The following RABL6 variants were observed in gnomAD, a reference collection of about 807,000 sequenced individuals.
RABL6 encodes the protein rab-like protein 6.
Under a neutral mutation model 72.9 loss-of-function variants are expected in RABL6, and 28 were observed. The ratio of observed to expected loss-of-function variants is 0.38; its 90% CI spans 0.28 to 0.53. RABL6 has a LOEUF of 0.53. Ranked by LOEUF, RABL6 falls within the 20% of genes least tolerant of loss-of-function variation. The pLI is 0.80. For synonymous variants in RABL6, 477 were observed against 421.2 expected (o/e 1.13, Z -1.62); for missense variants, 1,029 against 1,008.4 (o/e 1.02, Z -0.28).
chr9:136,828,186 C>G (rs1848397746), intron 3 of RABL6: 1 of 301,272 alleles, frequency 3.3e-6, no homozygotes, highest in Admixed American at 4.6e-5. Flanking sequence ...CCTTCAGCAG[C>G]AAACCCTCCT....
chr9:136,822,142 G>A (rs796314297), intron 1 of RABL6: 2 of 1,222,714 alleles, frequency 1.6e-6, no homozygotes, highest in African/African-American at 1.6e-5. Context: ...TCAGAGCTTC[G>A]AGGCCGGGCG....
At chr9:136,818,271 G>C (rs1386031251) in intron 1 of RABL6, among the ~76,000 whole-genome samples, 2 of 144,006 alleles carry the variant, frequency 1.4e-5, no homozygotes, top group African/African-American at 5.2e-5. Context: ...GCTGAGGCAG[G>C]AGAATGGCGT....
intron 4 of RABL6, 112 bp downstream of exon 4, chr9:136,828,658 C>T (rs1246170272): frequency 8.6e-7 from 1 of 1,161,392 alleles, no homozygotes; most frequent in African/African-American, 1.5e-5. Context: ...ATGCTGTGGC[C>T]ACGGGGGCCG....
chr9:136,809,098 C>T (rs1187891027), intron 1 of RABL6: 2 of 152,318 alleles, frequency 1.3e-5, no homozygotes, highest in African/African-American at 2.4e-5. Flanking sequence ...TTTGACATTG[C>T]TTCCCTCTTA....
At chr9:136,820,322 G>GC (rs1254241609) in intron 1 of RABL6, among the ~76,000 whole-genome samples, 1 of 152,126 alleles carries the variant, frequency 6.6e-6, no homozygotes, top group Non-Finnish European at 1.5e-5. Flanking sequence ...CTAGGATGGT[G>GC]CCACTGTGCT....
At chr9:136,823,685 G>T in intron 2 of RABL6, 26 bp downstream of exon 2, 1 of 1,583,440 alleles carries the variant, frequency 6.3e-7, no homozygotes, top group Non-Finnish European at 8.6e-7. Flanking sequence ...GCCCCAGTGG[G>T]TTCGGGCTCC....
chr9:136,841,021 G>A lies in RABL6; in HGVS notation c.*499G>A. The A allele has an allele frequency of 7.0e-7, 1 of 1,434,328 alleles. No individual in the cohort carries two copies. The allele number at this position is 1,434,328 out of a possible 1,614,324, so 88.9% of individuals were successfully genotyped here. A position where few individuals can be genotyped will look rare whatever the true frequency, so the allele number is the denominator to read the frequency against. ...GGCGGCCCAGGCCCCACGCTAGAAG[G>A]CTGGCGAGACCGAAGGCAGCATGTG... On this transcript the variant is annotated 3_prime_UTR_variant, in exon 15 of 15. Transcript: ENST00000311502.
chr9:136,837,739 C>T (rs1381980410), intron 9 of RABL6, 77 bp downstream of exon 9: 126 of 1,542,842 alleles, frequency 8.2e-5, no homozygotes, highest in Middle Eastern at 4.2e-4. Flanking sequence ...GATTTCGGAG[C>T]GCTCCACGCT....
chr9:136,821,949 C>A, intron 1 of RABL6: 5 of 1,289,016 alleles, frequency 3.9e-6, no homozygotes, highest in Non-Finnish European at 4.0e-6. Context: ...GCAGCGCTGG[C>A]CGGCGCCGAG....
In RABL6 at chr9:136,829,689, C is replaced by T. The variant is rs143101779; in HGVS notation, c.458+205C>T. Among the ~76,000 whole-genome samples, 518 of 152,348 alleles carry T rather than the reference C, an allele frequency of 3.4e-3. 3 individuals carry two copies. Among genetic ancestry groups the T allele is most frequent in the African/African-American group, 0.012 (494 of 41,566 alleles). ...AACGACTATGCCTGTGCCTATGGGG[C>T]GGGATGGCGTGGGCCGGCTGCAAAA... On this transcript the variant is annotated intron_variant, in intron 5 of 14. Coordinates refer to ENST00000311502, the MANE Select transcript of RABL6 (RefSeq NM_024718.5).
Position 136,840,760 on chromosome 9 carries a change from G to C in RABL6, c.*238G>C. The C allele has an allele frequency of 6.5e-7, 1 of 1,548,256 alleles. No individual in the cohort carries two copies. The highest frequency in any genetic ancestry group is 8.7e-7 in the Non-Finnish European group (1 of 1,146,816). On this transcript the variant is annotated 3_prime_UTR_variant, in exon 15 of 15. Transcript: ENST00000311502. Reference sequence around the variant, plus strand: ...GGACAGCTGGCTTCAGCCAGGCTCGGTGGACACCCTGGCCCTCTCGGGGCA... The same window carrying C: ...GGACAGCTGGCTTCAGCCAGGCTCGCTGGACACCCTGGCCCTCTCGGGGCA...
rs116013067 is a variant in RABL6, at chr9:136,819,722, G to A, written c.131-3803G>A. On this transcript the variant is annotated intron_variant, in intron 1 of 14. Coordinates refer to ENST00000311502, the MANE Select transcript of RABL6 (RefSeq NM_024718.5). Reference sequence around the variant, plus strand: ...GTAGAAATGTGAAGGGTTACCGCAGGCTCAGAGAAAGTCTCTGGACCTGAA... The same window carrying A: ...GTAGAAATGTGAAGGGTTACCGCAGACTCAGAGAAAGTCTCTGGACCTGAA... Among the ~76,000 whole-genome samples the A allele has an allele frequency of 2.2e-3, 332 of 152,278 alleles. 2 individuals carry two copies. The highest frequency in any genetic ancestry group is 7.5e-3 in the African/African-American group (312 of 41,556).
intron 1 of RABL6, among the ~76,000 whole-genome samples, chr9:136,810,590 G>A (rs1050217144): frequency 2.0e-5 from 3 of 152,094 alleles, no homozygotes; most frequent in African/African-American, 7.2e-5. Flanking sequence ...CTCCCAGGCT[G>A]GAGTGCAGTG....
Position 136,829,373 on chromosome 9 carries a change from C to G in RABL6, c.367-20C>G, listed in dbSNP as rs756372491. The G allele has an allele frequency of 1.9e-6, 3 of 1,552,328 alleles. No homozygotes were observed. The Admixed American group carries it at 5.8e-5, about 30-fold the overall frequency. On this transcript the variant is annotated intron_variant, in intron 4 of 14. Transcript: ENST00000311502. ...GGCCCAGCCTGGGCCAGTCTCACAC[C>G]TGTTCCCTCCTGTCCCCAGGCGGAG...
chr9:136,822,046 T>A lies in RABL6; in HGVS notation c.131-1479T>A, dbSNP rs966769064. ...CAAGCTTCAGGGGAGAAGAAATGAC[T>A]GTGGGAACAGGTGCCTTGAGGTAGA... On this transcript the variant is annotated intron_variant, in intron 1 of 14. Coordinates refer to ENST00000311502, the MANE Select transcript of RABL6 (RefSeq NM_024718.5). 9 of 1,289,384 alleles carry A rather than the reference T, an allele frequency of 7.0e-6. No individual in the cohort carries two copies. The Middle Eastern group carries it at 8.6e-4, about 124-fold the overall frequency. The allele number at this position is 1,289,384 out of a possible 1,614,324, so 79.9% of individuals were successfully genotyped here.
chr9:136,817,878 A>C (rs1006473580), intron 1 of RABL6, among the ~76,000 whole-genome samples: 1 of 151,500 alleles, frequency 6.6e-6, no homozygotes, highest in African/African-American at 2.4e-5. Flanking sequence ...CCTGGCCAAC[A>C]TGGTGAAACG....
chr9:136,814,242 G>C, intron 1 of RABL6: 22 of 208,512 alleles, frequency 1.1e-4, no homozygotes. Context: ...CCAGGCTGGA[G>C]TGCAATGGTG....
chr9:136,828,169 G>C, intron 3 of RABL6: 1 of 269,010 alleles, frequency 3.7e-6, no homozygotes. Flanking sequence ...GGGGGGAGGG[G>C]GCCCTTCCTT....
rs1159178313 is a variant in RABL6, at chr9:136,841,080, A to G, written c.*558A>G. 7.1e-7 allele frequency: 1 copy of G among 1,401,632 alleles called. No homozygotes were observed. The highest frequency in any genetic ancestry group is 2.6e-5 in the East Asian group (1 of 37,782). 86.8% of individuals were successfully genotyped at this position (1,401,632 alleles called of 1,614,324 possible). ...CCTGGGAGTGGGGGTTGTGTTTCCC[A>G]CAGTGGCCTCAGCTGCGCCCCCGCT... On this transcript the variant is annotated 3_prime_UTR_variant, in exon 15 of 15. Coordinates refer to ENST00000311502, the MANE Select transcript of RABL6 (RefSeq NM_024718.5).
Sources: allele counts gnomAD v4.1 joint callset (sites outside exome capture counted in the v4.1 genomes callset), GRCh38; gene constraint gnomAD v4.1.1; transcripts MANE v1.5; gene names NCBI Gene and HGNC (gene_info 2026-07-23, HGNC 2026-07-21).